The following QRICH2 variants were observed in gnomAD, a reference collection of about 807,000 sequenced individuals.
QRICH2 encodes the protein glutamine rich 2.
Under a neutral mutation model 168.3 loss-of-function variants are expected in QRICH2, and 119 were observed. The ratio of observed to expected loss-of-function variants is 0.71; its 90% CI spans 0.61 to 0.82. The LOEUF (loss-of-function observed/expected upper bound fraction) is 0.82, where lower values mean the gene tolerates loss of function less well. QRICH2 is among the 40% of genes least tolerant of loss of function. QRICH2 has a pLI of 0.00. For missense variants in QRICH2, 2,241 were observed against 2,491.6 expected (o/e 0.90, Z 2.14); for synonymous variants, 894 against 951.2 (o/e 0.94, Z 1.11).
intron 13 of QRICH2, 70 bp from the exon 14 acceptor site, chr17:76,279,212 TA>T: frequency 7.1e-7 from 1 of 1,402,472 alleles, no homozygotes. Flanking sequence ...TCCACCTGCC[TA>T]AAGAACCTTC....
chr17:76,278,253 G>A (rs2070726378), intron 14 of QRICH2, 64 bp from the exon 15 acceptor site: 2 of 1,536,676 alleles, frequency 1.3e-6, no homozygotes, highest in African/African-American at 1.4e-5. Flanking sequence ...CCTTGTGTAA[G>A]CCGAATCCTT....
At chr17:76,295,630 G>A (rs575277991) in intron 3 of QRICH2, among the ~76,000 whole-genome samples, 53 of 152,088 alleles carry the variant, frequency 3.5e-4, no homozygotes, top group Admixed American at 3.3e-3. Context: ...GCAACAGAGC[G>A]AGACACCATC....
chr17:76,280,074 G>A lies in QRICH2; in HGVS notation c.4707C>T (p.Arg1569=). The change falls in exon 12 of 19, where the codon CGC becomes CGT. Residue 1569 remains arginine, a synonymous_variant. Transcript: ENST00000680821. This position sits in a 1 kb window ranked among gnomAD's most constrained non-coding sequence, Gnocchi z 7.4. ...CCTCGTCTGCCTGGTAGAGTGGGGG[G>A]CGCTCCCTGAGCTGCTGTCGCAGCG... The part of the protein sequence containing the change: ...WKSLRQQLRE[R]PPLYQADEAA... 1.2e-6 allele frequency: 2 copies of A among 1,613,630 alleles called. No homozygotes were observed. The highest frequency in any genetic ancestry group is 1.7e-4 in the Middle Eastern group (1 of 6,050).
At chr17:76,304,388 C>T (rs1404149955) in intron 3 of QRICH2, 27 bp downstream of exon 3, 2 of 1,529,050 alleles carry the variant, frequency 1.3e-6, no homozygotes, top group African/African-American at 2.7e-5. Flanking sequence ...CCACCCAAGA[C>T]CACGGCCCAG....
chr17:76,307,184 A>T lies in QRICH2; in HGVS notation c.534+281T>A, dbSNP rs981904930. ...GGAGGGGGTGGGATGGGGCCACTAC[A>T]CTTAGGAGGTGGGGTCCCCAGGCCC... On this transcript the variant is annotated intron_variant, in intron 1 of 18. Coordinates refer to ENST00000680821, the MANE Select transcript of QRICH2 (RefSeq NM_001388453.1). This position sits in a 1 kb window ranked among gnomAD's most constrained non-coding sequence, Gnocchi z 5.3. 3.3e-5 allele frequency among the ~76,000 whole-genome samples: 5 copies of T among 151,952 alleles called. No individual in the cohort carries two copies. Among genetic ancestry groups the T allele is most frequent in the Non-Finnish European group, 5.9e-5 (4 of 67,956 alleles).
chr17:76,285,564 G>A (rs62086312), intron 7 of QRICH2, among the ~76,000 whole-genome samples: 79,699 of 151,038 alleles, frequency 0.53, 23,111 homozygotes, highest in African/African-American at 0.77. Context: ...CACCGCAGCC[G>A]GCCCCACACA....
intron 3 of QRICH2, among the ~76,000 whole-genome samples, chr17:76,297,023 T>TC (rs1477683706): frequency 6.6e-6 from 1 of 152,168 alleles, no homozygotes; most frequent in Non-Finnish European, 1.5e-5. Flanking sequence ...AACTCATCAT[T>TC]CAAGTAGCAC....
At position 76,308,218 on chromosome 17, in the gene QRICH2, T is replaced by C. The variant is rs913549045; in HGVS notation, c.-220A>G. 7.1e-6 allele frequency: 7 copies of C among 985,302 alleles called. 1 individual carries two copies. The African/African-American group carries it at 8.7e-5, about 12-fold the overall frequency. 61.0% of individuals were successfully genotyped at this position (985,302 alleles called of 1,614,324 possible). A position where few individuals can be genotyped will look rare whatever the true frequency, so the allele number is the denominator to read the frequency against. ...TGGCCACCCCTCCGCTGTCTGTCGC[T>C]GGCCTCGGGTCCCCGAGCTGGAGCC... On this transcript the variant is annotated 5_prime_UTR_variant, in exon 1 of 19. Coordinates refer to ENST00000680821, the MANE Select transcript of QRICH2 (RefSeq NM_001388453.1).
At chr17:76,282,689 G>A (rs918402447) in intron 7 of QRICH2, among the ~76,000 whole-genome samples, 13 of 152,234 alleles carry the variant, frequency 8.5e-5, no homozygotes, top group Non-Finnish European at 1.5e-4. Flanking sequence ...CTGCCCTGGT[G>A]TTCTCCTCTG....
At chr17:76,306,448 T>G (rs1436016892) in intron 1 of QRICH2, among the ~76,000 whole-genome samples, 5 of 152,126 alleles carry the variant, frequency 3.3e-5, no homozygotes, top group Non-Finnish European at 5.9e-5. Flanking sequence ...TGCTTCTGCT[T>G]TTTCTTTCAG....
chr17:76,278,703 T>C (rs547549078), intron 14 of QRICH2, among the ~76,000 whole-genome samples: 1 of 152,008 alleles, frequency 6.6e-6, no homozygotes, highest in African/African-American at 2.4e-5. Context: ...AATCCCGGGG[T>C]TGCTGAGACA....
intron 1 of QRICH2, among the ~76,000 whole-genome samples, chr17:76,306,913 G>A (rs1317584016): frequency 6.6e-6 from 1 of 151,548 alleles, no homozygotes; most frequent in Non-Finnish European, 1.5e-5. Context: ...CAAGTGAAAC[G>A]GTCCCCTGCC....
chr17:76,298,422 G>A (rs1297763593), intron 3 of QRICH2, among the ~76,000 whole-genome samples: 1 of 143,358 alleles, frequency 7.0e-6, no homozygotes, highest in African/African-American at 2.6e-5. Context: ...CTGGTGATCC[G>A]CCCGCCTCAG....
rs148458087 is a variant in QRICH2 at position 76,279,376 on chromosome 17, G to A, written c.4801C>T (p.Pro1601Ser). 22 of 1,612,940 alleles carry A rather than the reference G, an allele frequency of 1.4e-5. No homozygotes were observed. In the African/African-American group the frequency reaches 2.8e-4, roughly 21 times the overall value. Residue 1601 changes from proline to serine, a missense_variant, in exon 13 of 19, where the codon CCT becomes TCT. This residue lies in a region of QRICH2 where 2,047 missense variants were observed against 2,303.8 expected (regional missense o/e 0.89). Coordinates refer to ENST00000680821, the MANE Select transcript of QRICH2 (RefSeq NM_001388453.1). ...GTGGGCACTCACTGTCCAGTCACAG[G>A]TGTCTCCAAGGGCCGGTCACATGAG... ...CLSCDRPLET[P>S]VTGHAIPVTP...
At chr17:76,278,766 G>A (rs1486604068) in intron 14 of QRICH2, among the ~76,000 whole-genome samples, 1 of 152,228 alleles carries the variant, frequency 6.6e-6, no homozygotes, top group Non-Finnish European at 1.5e-5. Context: ...GAGGCAGCTG[G>A]CGCCCTTGAC....
chr17:76,287,904 AC>A lies in QRICH2; in HGVS notation c.3799-8del. The A allele has an allele frequency of 1.2e-6, 2 of 1,610,118 alleles. No homozygotes were observed. The highest frequency in any genetic ancestry group is 1.7e-6 in the Non-Finnish European group (2 of 1,176,680). ...TCCTCTGCAGCCTTTCCACCTACAA[AC>A]CCAGTGAATGAGGAGGGTCAGGCAG... On this transcript the variant is annotated splice_region_variant and splice_polypyrimidine_tract_variant and intron_variant, in intron 5 of 18. Transcript: ENST00000680821.
At chr17:76,277,636 A>G (rs1321839047) in intron 15 of QRICH2, among the ~76,000 whole-genome samples, 3 of 152,052 alleles carry the variant, frequency 2.0e-5, no homozygotes, top group South Asian at 4.2e-4. Context: ...ACACACGAAC[A>G]TATACATACA....
chr17:76,291,093 C>G lies in QRICH2; in HGVS notation c.3634G>C (p.Glu1212Gln). Reference sequence around the variant, plus strand: ...TCCTCATCCAGATCCTTCATACTCTCCTTTAGCCCCACATAGAGGCTACTG... The same window carrying G: ...TCCTCATCCAGATCCTTCATACTCTGCTTTAGCCCCACATAGAGGCTACTG... ...ELSSLYVGLKESMKDLDEEQA... is the reference protein window; with the variant it reads ...ELSSLYVGLKQSMKDLDEEQA... The change falls in exon 4 of 19, where the codon GAG (glutamate) becomes CAG (glutamine). Residue 1212 changes from glutamate to glutamine, a missense_variant. Around this residue, in one of 3 missense-constraint regions of QRICH2, gnomAD observed 2,047 missense variants for 2,303.8 expected, o/e 0.89. Transcript: ENST00000680821. 1 of 1,614,214 alleles carries G rather than the reference C, an allele frequency of 6.2e-7. No individual in the cohort carries two copies. The highest frequency in any genetic ancestry group is 8.5e-7 in the Non-Finnish European group (1 of 1,180,042).
rs776301826 is a variant in QRICH2, at chr17:76,304,440, G to A, written c.680C>T (p.Thr227Met). 20 of 1,613,156 alleles carry A rather than the reference G, an allele frequency of 1.2e-5. No individual in the cohort carries two copies. The highest frequency in any genetic ancestry group is 5.5e-5 in the South Asian group (5 of 91,038). Residue 227 changes from threonine (T) to methionine (M), a missense_variant, in exon 3 of 19, where the codon ACG becomes ATG. Around this residue, in one of 3 missense-constraint regions of QRICH2, gnomAD observed 2,047 missense variants for 2,303.8 expected, o/e 0.89. Coordinates refer to ENST00000680821, the MANE Select transcript of QRICH2 (RefSeq NM_001388453.1). ...CGCTTGTGAGGCTCTCCAGCCGTCCGTAATCGCCTGCTCCAGCTCTTCCCA... is the reference window on the plus strand; with the variant it reads ...CGCTTGTGAGGCTCTCCAGCCGTCCATAATCGCCTGCTCCAGCTCTTCCCA... ...VTWEELEQAI[T>M]DGWRASQAGS...
Sources: allele counts gnomAD v4.1 joint callset (sites outside exome capture counted in the v4.1 genomes callset), GRCh38; gene constraint gnomAD v4.1.1; regional missense constraint gnomAD v4.1.1; non-coding constraint Gnocchi (gnomAD v3.1); transcripts MANE v1.5; gene names NCBI Gene and HGNC (gene_info 2026-07-23, HGNC 2026-07-21).